Variants in DCDC2 observed in about 807,000 individuals in gnomAD.
The protein encoded by DCDC2 is doublecortin domain containing 2, also known as doublecortin domain-containing protein 2.
Under a neutral mutation model 50.2 loss-of-function variants are expected in DCDC2, and 40 were observed. That is an observed-to-expected ratio of 0.80 (90% CI 0.62 to 1.04). The LOEUF is 1.04. Ranked by LOEUF, DCDC2 falls within the 50% of genes least tolerant of loss-of-function variation. The pLI is 0.00. For synonymous variants in DCDC2, 234 were observed against 210.6 expected (o/e 1.11, Z -0.96); for missense variants, 570 against 581.9 (o/e 0.98, Z 0.21).
chr6:24,276,927 C>T (rs2113818719), intron 7 of DCDC2, among the ~76,000 whole-genome samples: 1 of 152,236 alleles, frequency 6.6e-6, no homozygotes, highest in African/African-American at 2.4e-5. Context: ...TCTAGGACTC[C>T]TGACTTCCAG....
rs1760486231 is a variant in DCDC2, at chr6:24,357,242, T to C, written c.293+216A>G. The C allele has an allele frequency of 3.5e-5, 17 of 482,386 alleles. No homozygotes were observed. In the South Asian group the frequency reaches 8.4e-4, roughly 24 times the overall value. 29.9% of individuals were successfully genotyped at this position (482,386 alleles called of 1,614,324 possible). On this transcript the variant is annotated intron_variant, in intron 1 of 9. Transcript: ENST00000378454. ...GTTGTTTATACACAGATTTTAAGTTTACTCCTACTGCTGACCCAAGTGAAA... is the reference window on the plus strand; with the variant it reads ...GTTGTTTATACACAGATTTTAAGTTCACTCCTACTGCTGACCCAAGTGAAA...
intron 7 of DCDC2, among the ~76,000 whole-genome samples, chr6:24,263,667 G>A (rs1453508604): frequency 2.0e-5 from 3 of 152,148 alleles, no homozygotes; most frequent in Admixed American, 6.5e-5. Context: ...CAAGTTATTC[G>A]AAAATACACC....
At chr6:24,356,785 G>A (rs1760475792) in intron 1 of DCDC2, 1 of 152,166 alleles carries the variant, frequency 6.6e-6, no homozygotes, top group African/African-American at 2.4e-5. Flanking sequence ...TTAATTCACT[G>A]AACACTCACT....
chr6:24,182,920 T>C (rs925698595), intron 8 of DCDC2, among the ~76,000 whole-genome samples: 2 of 152,242 alleles, frequency 1.3e-5, no homozygotes, highest in Non-Finnish European at 1.5e-5. Context: ...CATCAAAAGA[T>C]GAGTGGATAA....
At chr6:24,340,722 A>T (rs1401675196) in intron 2 of DCDC2, among the ~76,000 whole-genome samples, 3 of 150,152 alleles carry the variant, frequency 2.0e-5, no homozygotes, top group Admixed American at 1.3e-4. Context: ...CTTATTTTCT[A>T]AAAAAAAAAT....
intron 7 of DCDC2, among the ~76,000 whole-genome samples, chr6:24,246,175 A>G (rs1358715049): frequency 2.0e-5 from 3 of 152,152 alleles, no homozygotes; most frequent in African/African-American, 7.2e-5. Flanking sequence ...CAAAAGAGAT[A>G]AAAACAAACA....
intron 8 of DCDC2, among the ~76,000 whole-genome samples, chr6:24,182,555 C>T (rs749551347): frequency 9.6e-5 from 13 of 135,076 alleles, no homozygotes; most frequent in Non-Finnish European, 1.4e-4. Flanking sequence ...AAAAGATTGT[C>T]AACTTACTAA....
intron 7 of DCDC2, among the ~76,000 whole-genome samples, chr6:24,234,458 T>C (rs1244019218): frequency 6.6e-6 from 1 of 151,944 alleles, no homozygotes; most frequent in Non-Finnish European, 1.5e-5. Context: ...CAGATAACGT[T>C]GGGAACGAGT....
At chr6:24,372,709 T>C in the DCDC2 span, among the ~76,000 whole-genome samples, 4 of 151,296 alleles carry the variant, frequency 2.6e-5, no homozygotes, top group South Asian at 8.4e-4. Context: ...AGATGGGAAC[T>C]GAACAATGAG....
intron 8 of DCDC2, among the ~76,000 whole-genome samples, chr6:24,185,870 C>A (rs1761193032): frequency 6.6e-6 from 1 of 152,176 alleles, no homozygotes; most frequent in Non-Finnish European, 1.5e-5. Context: ...CCATCCCCTT[C>A]ACTCCTCTCT....
At chr6:24,184,197 A>G (rs943637942) in intron 8 of DCDC2, among the ~76,000 whole-genome samples, 1 of 152,232 alleles carries the variant, frequency 6.6e-6, no homozygotes, top group Non-Finnish European at 1.5e-5. Context: ...AAGTCGCTAC[A>G]ATAAGGACAC....
chr6:24,194,738 A>G (rs1166716559), intron 8 of DCDC2, among the ~76,000 whole-genome samples: 2 of 152,224 alleles, frequency 1.3e-5, no homozygotes, highest in Non-Finnish European at 2.9e-5. Flanking sequence ...TCTGCTAATC[A>G]GGCACTTGTT....
intron 4 of DCDC2, among the ~76,000 whole-genome samples, chr6:24,293,390 C>A (rs997856093): frequency 3.3e-5 from 5 of 152,154 alleles, no homozygotes; most frequent in Non-Finnish European, 7.4e-5. Flanking sequence ...TAGGGAGGGG[C>A]CAACCATAAG....
At chr6:24,248,430 A>G (rs887570627) in intron 7 of DCDC2, among the ~76,000 whole-genome samples, 4 of 152,214 alleles carry the variant, frequency 2.6e-5, no homozygotes, top group Non-Finnish European at 5.9e-5. Context: ...TAAGAAAATT[A>G]AATTATACAA....
At chr6:24,298,143 A>C (rs1273217809) in intron 4 of DCDC2, among the ~76,000 whole-genome samples, 1 of 152,208 alleles carries the variant, frequency 6.6e-6, no homozygotes, top group Non-Finnish European at 1.5e-5. Context: ...CATAAGGAAC[A>C]CACAACCTAG....
At chr6:24,181,198 G>A (rs1761063726) in intron 8 of DCDC2, among the ~76,000 whole-genome samples, 1 of 152,194 alleles carries the variant, frequency 6.6e-6, no homozygotes, top group Non-Finnish European at 1.5e-5. Flanking sequence ...AGGTCCAGAG[G>A]GGAATGGATC....
chr6:24,349,470 G>C (rs9460999), intron 2 of DCDC2, among the ~76,000 whole-genome samples: 18,464 of 152,174 alleles, frequency 0.12, 1,306 homozygotes, highest in East Asian at 0.35. Context: ...GAAGGGTAGG[G>C]GCAAGAGTAA....
chr6:24,247,083 C>T (rs181566004), intron 7 of DCDC2, among the ~76,000 whole-genome samples: 240 of 152,232 alleles, frequency 1.6e-3, no homozygotes, highest in African/African-American at 5.3e-3. Context: ...GAGACAACTA[C>T]TGCTATGTTT....
At chr6:24,381,958 AAG>A in the DCDC2 span, among the ~76,000 whole-genome samples, 1 of 137,592 alleles carries the variant, frequency 7.3e-6, no homozygotes, top group Non-Finnish European at 1.5e-5. Context: ...GAAGGAAAGA[AAG>A]AAGGAAGGAA....
Sources: gnomAD v4.1 joint callset for allele counts (sites outside exome capture counted in the v4.1 genomes callset) on GRCh38, gnomAD v4.1.1 for gene constraint, MANE v1.5 for transcripts, NCBI Gene and HGNC (gene_info 2026-07-23, HGNC 2026-07-21) for gene names.